The following KIRREL3 variants were observed in gnomAD, a reference collection of about 807,000 sequenced individuals.
KIRREL3 encodes kirre like nephrin family adhesion molecule 3.
KIRREL3 carries 36 observed loss-of-function variants against 89.7 expected under a neutral mutation model. The observed-to-expected ratio is 0.40, with a 90% CI of 0.31 to 0.53. The LOEUF (loss-of-function observed/expected upper bound fraction) is 0.53. Among genes scored for constraint, KIRREL3 ranks in the 20% least tolerant of loss-of-function variants. KIRREL3 has a pLI of 0.49. For synonymous variants in KIRREL3, 445 were observed against 441.4 expected, an observed-to-expected ratio of 1.01 and a Z score of -0.10; for missense variants, 864 against 1,056.6, an observed-to-expected ratio of 0.82 and a Z score of 2.53.
At chr11:126,825,254 T>G (rs1360429688) in intron 1 of KIRREL3, among the ~76,000 whole-genome samples, 2 of 152,192 alleles carry the variant, frequency 1.3e-5, no homozygotes, top group African/African-American at 4.8e-5. Flanking sequence ...GCACTTGACC[T>G]AGGACAGGAA....
chr11:126,572,955 G>A (rs917262670), intron 1 of KIRREL3, among the ~76,000 whole-genome samples: 11 of 152,190 alleles, frequency 7.2e-5, no homozygotes, highest in South Asian at 4.1e-4. Flanking sequence ...ACATGCTGCC[G>A]AATGAGTAGG....
chr11:126,574,485 C>G lies in KIRREL3; in HGVS notation c.56-11573G>C, dbSNP rs1941147499. On this transcript the variant is annotated intron_variant, in intron 1 of 16. Coordinates refer to ENST00000525144, the MANE Select transcript of KIRREL3 (RefSeq NM_032531.4). The surrounding 1 kb of genome is among the most constrained non-coding windows in gnomAD (Gnocchi z 5.3). ...CGATTCTGAGCCACCAGCCATCACT[C>G]AATAAGAACATGAAAGTTTATTTAC... Among the ~76,000 whole-genome samples the G allele has an allele frequency of 6.6e-6, 1 of 152,176 alleles. No individual in the cohort carries two copies. The highest frequency in any genetic ancestry group is 6.5e-5 in the Admixed American group (1 of 15,272).
intron 2 of KIRREL3, among the ~76,000 whole-genome samples, chr11:126,552,515 C>T (rs1417907148): frequency 1.4e-5 from 2 of 147,954 alleles, no homozygotes; most frequent in African/African-American, 5.0e-5. Context: ...AGCCCTGGTC[C>T]CGGGATCACT....
intron 5 of KIRREL3, among the ~76,000 whole-genome samples, chr11:126,467,201 C>G (rs1316237364): frequency 6.6e-6 from 1 of 152,254 alleles, no homozygotes; most frequent in Non-Finnish European, 1.5e-5. Context: ...CCCAGGTTCT[C>G]TCTGGACGCT....
rs1019723962 is a variant in KIRREL3 at position 126,879,707 on chromosome 11, C to T, written c.55+120748G>A. 1.3e-5 allele frequency among the ~76,000 whole-genome samples: 2 copies of T among 152,190 alleles called. No homozygotes were observed. The highest frequency in any genetic ancestry group is 4.8e-5 in the African/African-American group (2 of 41,432). On this transcript the variant is annotated intron_variant, in intron 1 of 16. Coordinates refer to ENST00000525144, the MANE Select transcript of KIRREL3 (RefSeq NM_032531.4). This position sits in a 1 kb window ranked among gnomAD's most constrained non-coding sequence, Gnocchi z 5.4. ...GATATTTGTGGTTCAGTCATTTAAC[C>T]TTTGCACATTTCTGAGTGGGTCATC...
chr11:126,718,961 A>G (rs1948069922), intron 1 of KIRREL3, among the ~76,000 whole-genome samples: 1 of 152,164 alleles, frequency 6.6e-6, no homozygotes, highest in South Asian at 2.1e-4. Context: ...TTCCCTCCAG[A>G]GTCATCATTC....
At position 126,923,169 on chromosome 11, in the gene KIRREL3, TC is replaced by T. The variant is rs1947453888; in HGVS notation, c.55+77285del. Among the ~76,000 whole-genome samples, 138 of 24,268 alleles carry T rather than the reference TC, an allele frequency of 5.7e-3. 43 individuals are homozygous for T. Among genetic ancestry groups the T allele is most frequent in the African/African-American group, 0.027 (117 of 4,274 alleles). 15.9% of individuals were successfully genotyped at this position (24,268 alleles called of 152,430 possible). On this transcript the variant is annotated intron_variant, in intron 1 of 16. Coordinates refer to ENST00000525144, the MANE Select transcript of KIRREL3 (RefSeq NM_032531.4). Reference sequence around the variant, plus strand: ...TTCTTCTTCTTCTTCTTCTTCTTCTTCTTCTTCTCTTCTTCTTCTCTTCTTC... The same window carrying T: ...TTCTTCTTCTTCTTCTTCTTCTTCTTTTCTTCTCTTCTTCTTCTCTTCTTC...
At chr11:126,956,946 C>T (rs1480901238) in intron 1 of KIRREL3, among the ~76,000 whole-genome samples, 1 of 152,206 alleles carries the variant, frequency 6.6e-6, no homozygotes, top group East Asian at 1.9e-4. Context: ...TTAATTTGCA[C>T]TCGTGTGCAC....
intron 4 of KIRREL3, among the ~76,000 whole-genome samples, chr11:126,497,289 TGA>T (rs138364553): frequency 6.6e-6 from 1 of 150,688 alleles, no homozygotes; most frequent in African/African-American, 2.4e-5. Context: ...GGTGTGTGTG[TGA>T]GAGAGAGAGA....
intron 1 of KIRREL3, among the ~76,000 whole-genome samples, chr11:126,927,733 T>C (rs1947781327): frequency 1.3e-5 from 2 of 152,178 alleles, no homozygotes; most frequent in African/African-American, 4.8e-5. Context: ...AAACCAAGCA[T>C]AGGAATGTGC....
rs1950640086 is a variant in KIRREL3 at position 126,791,510 on chromosome 11, G to C, written c.55+208945C>G. On this transcript the variant is annotated intron_variant, in intron 1 of 16. Transcript: ENST00000525144. This position sits in a 1 kb window ranked among gnomAD's most constrained non-coding sequence, Gnocchi z 4.8. Reference sequence around the variant, plus strand: ...TTGTGCAGATCCATCTCCTTTTCTTGCCCTTCTTTCCAAAGAAATGAATTC... The same window carrying C: ...TTGTGCAGATCCATCTCCTTTTCTTCCCCTTCTTTCCAAAGAAATGAATTC... Among the ~76,000 whole-genome samples, 2 of 152,196 alleles carry C rather than the reference G, an allele frequency of 1.3e-5. No individual in the cohort carries two copies. The highest frequency in any genetic ancestry group is 4.8e-5 in the African/African-American group (2 of 41,426).
chr11:126,813,916 G>T (rs1037808138), intron 1 of KIRREL3, among the ~76,000 whole-genome samples: 4 of 152,122 alleles, frequency 2.6e-5, no homozygotes, highest in African/African-American at 9.7e-5. Flanking sequence ...GACAAATGGG[G>T]TCTAATTAAA....
At position 126,607,873 on chromosome 11, in the gene KIRREL3, A is replaced by G. The variant is rs1365779472; in HGVS notation, c.56-44961T>C. Among the ~76,000 whole-genome samples, 2 of 152,190 alleles carry G rather than the reference A, an allele frequency of 1.3e-5. No homozygotes were observed. The highest frequency in any genetic ancestry group is 6.5e-5 in the Admixed American group (1 of 15,288). ...AGAGTTGCCACCCACTGCAAGGACG[A>G]ACATCACTACTGGGTCAGCTCTGCA... On this transcript the variant is annotated intron_variant, in intron 1 of 16. Transcript: ENST00000525144. The surrounding 1 kb of genome is among the most constrained non-coding windows in gnomAD (Gnocchi z 6.6).
At chr11:126,863,635 G>A (rs1944820650) in intron 1 of KIRREL3, among the ~76,000 whole-genome samples, 1 of 5,968 alleles carries the variant, frequency 1.7e-4, no homozygotes, top group African/African-American at 9.1e-4. Flanking sequence ...GTTTGAGTGC[G>A]TGTGTGTGTG....
rs10699844 is a variant in KIRREL3, at chr11:126,755,878, CAGAGAGAG to C, written c.56-192974_56-192967del. ...GAGGGAGAGAGGGAGAGAGAAAAAA[CAGAGAGAG>C]AGAGAGAGAGAGAAGACTGAGCTGA... On this transcript the variant is annotated intron_variant, in intron 1 of 16. Coordinates refer to ENST00000525144, the MANE Select transcript of KIRREL3 (RefSeq NM_032531.4). The surrounding 1 kb of genome is among the most constrained non-coding windows in gnomAD (Gnocchi z 4.3). Among the ~76,000 whole-genome samples, 1 of 148,728 alleles carries C rather than the reference CAGAGAGAG, an allele frequency of 6.7e-6. No homozygotes were observed. Among genetic ancestry groups the C allele is most frequent in the African/African-American group, 2.5e-5 (1 of 40,348 alleles).
At position 126,513,253 on chromosome 11, in the gene KIRREL3, T is replaced by G. The variant is rs992440417; in HGVS notation, c.433+8062A>C. Among the ~76,000 whole-genome samples the G allele has an allele frequency of 6.6e-6, 1 of 151,996 alleles. No individual in the cohort carries two copies. The highest frequency in any genetic ancestry group is 1.5e-5 in the Non-Finnish European group (1 of 67,988). On this transcript the variant is annotated intron_variant, in intron 4 of 16. Transcript: ENST00000525144. The surrounding 1 kb of genome is among the most constrained non-coding windows in gnomAD (Gnocchi z 5.9). ...TCCTGGTGTTGGGAGCAAAAGATGC[T>G]GGGGGGTATGGGGGCTGGCCCTGGG...
At chr11:126,444,932 T>C in intron 10 of KIRREL3, 47 bp downstream of exon 10, 2 of 1,608,246 alleles carry the variant, frequency 1.2e-6, no homozygotes, top group Non-Finnish European at 1.7e-6. Flanking sequence ...ATGCCTGAGG[T>C]CCTTCTTCCC....
Position 126,643,743 on chromosome 11 carries a change from T to C in KIRREL3, c.56-80831A>G, listed in dbSNP as rs996297967. On this transcript the variant is annotated intron_variant, in intron 1 of 16. Coordinates refer to ENST00000525144, the MANE Select transcript of KIRREL3 (RefSeq NM_032531.4). The surrounding 1 kb of genome is among the most constrained non-coding windows in gnomAD (Gnocchi z 4.5). Reference sequence around the variant, plus strand: ...GGAGGCAGCAGTAATCTCAGTGAGATTACGTGAGGATTTTAACAAAGCTGG... The same window carrying C: ...GGAGGCAGCAGTAATCTCAGTGAGACTACGTGAGGATTTTAACAAAGCTGG... Among the ~76,000 whole-genome samples the C allele has an allele frequency of 1.3e-5, 2 of 151,938 alleles. No homozygotes were observed. Among genetic ancestry groups the C allele is most frequent in the Admixed American group, 6.6e-5 (1 of 15,252 alleles).
intron 1 of KIRREL3, among the ~76,000 whole-genome samples, chr11:126,836,849 G>T (rs1019575122): frequency 6.6e-6 from 1 of 152,150 alleles, no homozygotes; most frequent in Admixed American, 6.5e-5. Context: ...ACAGATGTTC[G>T]CATGACATCC....
Sources: allele counts gnomAD v4.1 joint callset (sites outside exome capture counted in the v4.1 genomes callset), GRCh38; gene constraint gnomAD v4.1.1; non-coding constraint Gnocchi (gnomAD v3.1); transcripts MANE v1.5; gene names NCBI Gene and HGNC (gene_info 2026-07-23, HGNC 2026-07-21).